PLEKHA8: variants seen among roughly 807,000 people sequenced by gnomAD.
The protein encoded by PLEKHA8 is pleckstrin homology domain containing A8.
In PLEKHA8, 36 loss-of-function variants were observed where a neutral mutation model predicts 68.2. The observed-to-expected ratio is 0.53, with a 90% CI of 0.40 to 0.70. The LOEUF (loss-of-function observed/expected upper bound fraction) is 0.70, where lower values mean the gene tolerates loss of function less well. Among genes scored for constraint, PLEKHA8 ranks in the 30% least tolerant of loss-of-function variants. The pLI is 0.00. For missense variants in PLEKHA8, 505 were observed against 615.4 expected, an observed-to-expected ratio of 0.82 and a Z score of 1.90; for synonymous variants, 211 against 216.1, an observed-to-expected ratio of 0.98 and a Z score of 0.20.
At chr7:30,072,033 A>G (rs1183323500) in intron 12 of PLEKHA8, 1 of 152,216 alleles carries the variant, frequency 6.6e-6, no homozygotes, top group Non-Finnish European at 1.5e-5. Context: ...CCCTGATGCC[A>G]TGTCTTCTTA....
intron 10 of PLEKHA8, 105 bp downstream of exon 10, chr7:30,061,047 TGTTC>T: frequency 2.8e-6 from 3 of 1,083,774 alleles, no homozygotes; most frequent in Non-Finnish European, 4.1e-6. Flanking sequence ...AATGTGTCAC[TGTTC>T]TTTTAAGAGA....
At chr7:30,078,313 C>T (rs1243519501) in intron 13 of PLEKHA8, among the ~76,000 whole-genome samples, 1 of 152,028 alleles carries the variant, frequency 6.6e-6, no homozygotes, top group Non-Finnish European at 1.5e-5. Flanking sequence ...TTTTCTCAGA[C>T]TCTCTCTCTC....
rs1158825125 is a variant in PLEKHA8, at chr7:30,080,479, A to T, written c.*1692A>T. 1.0e-6 allele frequency: 1 copy of T among 985,216 alleles called. No individual in the cohort carries two copies. The allele number at this position is 985,216 out of a possible 1,614,324, so 61.0% of individuals were successfully genotyped here. On this transcript the variant is annotated 3_prime_UTR_variant, in exon 14 of 14. Transcript: ENST00000449726. ...GCTGTTCCTGCTGCAGATCTCTAGG[A>T]TGGAGAGAATTCTCTCTTTAGTCAG...
chr7:30,128,216 C>T (rs757507404), intron 13 of PLEKHA8, among the ~76,000 whole-genome samples: 1 of 152,002 alleles, frequency 6.6e-6, no homozygotes, highest in Non-Finnish European at 1.5e-5. Flanking sequence ...AAATGATCCT[C>T]CCACCTCAGC....
rs983508306 is a variant in PLEKHA8 at position 30,079,144 on chromosome 7, C to A, written c.*357C>A. 3.0e-5 allele frequency: 31 copies of A among 1,020,308 alleles called. No individual in the cohort carries two copies. In the African/African-American group the frequency reaches 5.3e-4, roughly 18 times the overall value. 63.2% of individuals were successfully genotyped at this position (1,020,308 alleles called of 1,614,324 possible). A position where few individuals can be genotyped will look rare whatever the true frequency, so the allele number is the denominator to read the frequency against. On this transcript the variant is annotated 3_prime_UTR_variant, in exon 14 of 14. Coordinates refer to ENST00000449726, the MANE Select transcript of PLEKHA8 (RefSeq NM_001197026.2). Reference sequence around the variant, plus strand: ...CACCCAAACCCAAGCTGAAAATCAGCAAATTCCATATTAAGTACCATAATT... The same window carrying A: ...CACCCAAACCCAAGCTGAAAATCAGAAAATTCCATATTAAGTACCATAATT...
At chr7:30,051,895 C>T (rs957018536) in intron 6 of PLEKHA8, among the ~76,000 whole-genome samples, 1 of 152,122 alleles carries the variant, frequency 6.6e-6, no homozygotes, top group South Asian at 2.1e-4. Context: ...ATCACTTGAA[C>T]CCGGAAGGCA....
intron 13 of PLEKHA8, among the ~76,000 whole-genome samples, chr7:30,105,751 T>C (rs903830792): frequency 2.0e-5 from 3 of 152,246 alleles, no homozygotes; most frequent in African/African-American, 7.2e-5. Context: ...TTCCTCCAGG[T>C]ATTGCTTGTT....
chr7:30,093,626 C>G (rs959553603), downstream of PLEKHA8, among the ~76,000 whole-genome samples: 2 of 152,196 alleles, frequency 1.3e-5, no homozygotes, highest in Non-Finnish European at 2.9e-5. Context: ...ATTGCACAAC[C>G]CTGCTCATAA....
Position 30,054,802 on chromosome 7 carries a change from C to T in PLEKHA8, c.890C>T (p.Pro297Leu), listed in dbSNP as rs369518936. 2.2e-5 allele frequency: 35 copies of T among 1,611,972 alleles called. No homozygotes were observed. In the Admixed American group the frequency reaches 3.0e-4, roughly 14 times the overall value. ...TCTGGATCAGACTCAAGTTGCTCTC[C>T]GGAATGCCTCTGGGAGGAAGGCAAA... ...TQSGSDSSCSPECLWEEGKEV... is the reference protein window; with the variant it reads ...TQSGSDSSCSLECLWEEGKEV... Residue 297 changes from proline (P) to leucine (L), a missense_variant, in exon 8 of 14, where the codon CCG (proline) becomes CTG (leucine). Pro to Leu is a moderately conservative substitution (Grantham distance 98). Coordinates refer to ENST00000449726, the MANE Select transcript of PLEKHA8 (RefSeq NM_001197026.2).
chr7:30,031,663 GAA>G (rs1450509742), intron 1 of PLEKHA8, among the ~76,000 whole-genome samples: 2 of 152,186 alleles, frequency 1.3e-5, no homozygotes, highest in African/African-American at 4.8e-5. Flanking sequence ...CTGTGAGAGA[GAA>G]ATGATGAGAT....
downstream of PLEKHA8, chr7:30,084,719 G>A: frequency 1.3e-6 from 1 of 795,048 alleles, no homozygotes; most frequent in Non-Finnish European, 1.5e-6. Flanking sequence ...TCTCGTTTAT[G>A]GAACACACAT....
At chr7:30,055,746 A>C (rs1439517620) in intron 9 of PLEKHA8, among the ~76,000 whole-genome samples, 1 of 151,950 alleles carries the variant, frequency 6.6e-6, no homozygotes, top group African/African-American at 2.4e-5. Flanking sequence ...GTTCACTGCA[A>C]ACTTCACCTC....
chr7:30,062,806 G>C, intron 12 of PLEKHA8, 64 bp downstream of exon 12: 1 of 1,239,128 alleles, frequency 8.1e-7, no homozygotes. Flanking sequence ...CCCTAGAGGA[G>C]GATACAGGGT....
rs1583447480 is a variant in PLEKHA8 at position 30,081,662 on chromosome 7, A to G, written c.*2875A>G. Reference sequence around the variant, plus strand: ...TTGGCAGAGTAATCACTTTGTTCTCATCGCTCAAAGCATTTTTAGGATTAT... The same window carrying G: ...TTGGCAGAGTAATCACTTTGTTCTCGTCGCTCAAAGCATTTTTAGGATTAT... On this transcript the variant is annotated 3_prime_UTR_variant, in exon 14 of 14. Coordinates refer to ENST00000449726, the MANE Select transcript of PLEKHA8 (RefSeq NM_001197026.2). The G allele has an allele frequency of 2.0e-6, 2 of 985,116 alleles. No homozygotes were observed. The highest frequency in any genetic ancestry group is 2.4e-6 in the Non-Finnish European group (2 of 829,650). The allele number at this position is 985,116 out of a possible 1,614,324, so 61.0% of individuals were successfully genotyped here.
intron 13 of PLEKHA8, among the ~76,000 whole-genome samples, chr7:30,103,517 T>G (rs1317665040): frequency 6.6e-6 from 1 of 152,206 alleles, no homozygotes; most frequent in Non-Finnish European, 1.5e-5. Flanking sequence ...AGACATATAT[T>G]AGTGAATTGC....
chr7:30,045,028 G>T, intron 1 of PLEKHA8, 57 bp from the exon 2 acceptor site: 2 of 1,206,004 alleles, frequency 1.7e-6, no homozygotes, highest in South Asian at 1.3e-5. Flanking sequence ...TCTGTATCTT[G>T]GGAGGTAGTT....
intron 7 of PLEKHA8, among the ~76,000 whole-genome samples, 159 bp downstream of exon 7, chr7:30,053,025 ATTCT>A (rs1792550216): frequency 6.6e-6 from 1 of 152,190 alleles, no homozygotes; most frequent in South Asian, 2.1e-4. Context: ...ACTGAACAAC[ATTCT>A]TTCATCCAAT....
intron 12 of PLEKHA8, among the ~76,000 whole-genome samples, chr7:30,068,844 G>A (rs1242631611): frequency 6.6e-6 from 1 of 152,046 alleles, no homozygotes; most frequent in Admixed American, 6.5e-5. Flanking sequence ...TCGAAGTTTT[G>A]TAGGTTTGCT....
chr7:30,051,721 C>G (rs1294438147), intron 6 of PLEKHA8, among the ~76,000 whole-genome samples: 1 of 152,152 alleles, frequency 6.6e-6, no homozygotes, highest in African/African-American at 2.4e-5. Flanking sequence ...CGCCTATAAT[C>G]CCAGCACTTT....
Sources: gnomAD v4.1 joint callset for allele counts (sites outside exome capture counted in the v4.1 genomes callset) on GRCh38, gnomAD v4.1.1 for gene constraint, MANE v1.5 for transcripts, NCBI Gene and HGNC (gene_info 2026-07-23, HGNC 2026-07-21) for gene names.